RBM4B: variants seen among roughly 807,000 people sequenced by gnomAD.
RBM4B encodes the protein RNA-binding protein 4B.
RBM4B carries 13 observed loss-of-function variants against 28.5 expected under a neutral mutation model. The observed-to-expected ratio is 0.46, with a 90% CI of 0.30 to 0.72. The LOEUF is 0.72. Ranked by LOEUF, RBM4B falls within the 30% of genes least tolerant of loss-of-function variation. The pLI, the probability that RBM4B is intolerant of heterozygous loss-of-function variation, is 0.09. For synonymous variants in RBM4B, 167 were observed against 179.1 expected, an observed-to-expected ratio of 0.93 and a Z score of 0.54; for missense variants, 387 against 477.6, an observed-to-expected ratio of 0.81 and a Z score of 1.77.
intron 3 of RBM4B, chr11:66,666,912 T>C (rs1939257444): frequency 8.7e-6 from 1 of 114,902 alleles, no homozygotes; most frequent in Non-Finnish European, 2.2e-5. Context: ...GCTTTTTAAT[T>C]TTTTTTTTTT....
At chr11:66,668,572 G>T in intron 3 of RBM4B, 43 bp downstream of exon 3, 1 of 1,489,956 alleles carries the variant, frequency 6.7e-7, no homozygotes, top group Non-Finnish European at 9.2e-7. Flanking sequence ...CTCTTTCAAG[G>T]GAACTAAATG....
At chr11:66,670,922 T>A (rs1398888931) in intron 2 of RBM4B, 1 of 702,578 alleles carries the variant, frequency 1.4e-6, no homozygotes. Flanking sequence ...CAAGTTGCTC[T>A]CTCTTTAACA....
chr11:66,666,058 T>TA, intron 3 of RBM4B: 1 of 1,145,446 alleles, frequency 8.7e-7, no homozygotes, highest in Non-Finnish European at 1.2e-6. Context: ...TCACAAGGGG[T>TA]AGGATATCAA....
intron 3 of RBM4B, chr11:66,666,409 G>C: frequency 1.0e-6 from 1 of 989,964 alleles, no homozygotes; most frequent in Non-Finnish European, 1.2e-6. Context: ...CAGTTCTGGA[G>C]TATTTCATCC....
intron 2 of RBM4B, chr11:66,676,070 G>T (rs1464368474): frequency 6.5e-6 from 1 of 152,802 alleles, no homozygotes; most frequent in Non-Finnish European, 1.5e-5. Flanking sequence ...CCTTTTCTGA[G>T]GGTGAAATGA....
At chr11:66,666,358 G>C (rs544137049) in intron 3 of RBM4B, 4 of 1,010,612 alleles carry the variant, frequency 4.0e-6, no homozygotes, top group Non-Finnish European at 4.7e-6. Flanking sequence ...GACGTTCTTG[G>C]ATCAGTTCTG....
In RBM4B at chr11:66,668,943, A is replaced by C. The variant is rs771633119; in HGVS notation, c.761T>G (p.Val254Gly). The C allele has an allele frequency of 3.7e-6, 6 of 1,614,002 alleles. No individual in the cohort carries two copies. Among genetic ancestry groups the C allele is most frequent in the Non-Finnish European group, 5.1e-6 (6 of 1,180,024 alleles). ...AEQTMSHLPQ[V>G]QSTTVTSHLN... is the part of the protein sequence containing the mutation. ...GTGGCTGGTCACAGTTGTGCTTTGG[A>C]CTTGAGGCAGATGGGACATGGTCTG... The change falls in exon 3 of 4, where the codon GTC becomes GGC. Residue 254 changes from valine (V) to glycine (G), a missense_variant. By Grantham distance (109) the Val-to-Gly change is moderately radical (BLOSUM62 -3). Coordinates refer to ENST00000310046, the MANE Select transcript of RBM4B (RefSeq NM_031492.4).
intron 2 of RBM4B, among the ~76,000 whole-genome samples, chr11:66,674,566 TG>T (rs898406955): frequency 2.5e-4 from 38 of 149,296 alleles, no homozygotes; most frequent in African/African-American, 9.1e-4. Flanking sequence ...AATATATATA[TG>T]GTTTTTTTTT....
rs1565092839 is a variant in RBM4B at position 66,668,876 on chromosome 11, C to T, written c.828G>A (p.Leu276=). 1.9e-6 allele frequency: 3 copies of T among 1,614,152 alleles called. No individual in the cohort carries two copies. Among genetic ancestry groups the T allele is most frequent in the Non-Finnish European group, 2.5e-6 (3 of 1,180,032 alleles). Residue 276 remains leucine (L), a synonymous_variant, in exon 3 of 4, where the codon TTG becomes TTA. Transcript: ENST00000310046. ...AAGTGGCAGCAGCGCCAGAGTTTGGCAATAGGTGTCTGTCATAGGGATCAA... is the reference window on the plus strand; with the variant it reads ...AAGTGGCAGCAGCGCCAGAGTTTGGTAATAGGTGTCTGTCATAGGGATCAA... The part of the protein sequence containing the change: ...TSVDPYDRHL[L]PNSGAAATSA...
chr11:66,665,936 T>G (rs1349547310), intron 3 of RBM4B: 3 of 1,535,144 alleles, frequency 2.0e-6, no homozygotes, highest in Non-Finnish European at 2.6e-6. Context: ...CAATTTAATT[T>G]TGGAGTCCAG....
rs1205150687 is a variant in RBM4B at position 66,667,633 on chromosome 11, C to G, written c.*9+982G>C. The G allele has an allele frequency of 2.6e-5, 4 of 151,960 alleles. No individual in the cohort carries two copies. The East Asian group carries it at 7.7e-4, about 29-fold the overall frequency. 9.4% of individuals were successfully genotyped at this position (151,960 alleles called of 1,614,324 possible). A position where few individuals can be genotyped will look rare whatever the true frequency, so the allele number is the denominator to read the frequency against. On this transcript the variant is annotated intron_variant, in intron 3 of 3. Transcript: ENST00000310046. ...AAACATTTAAAATTTATAGGACTTCCTCTGGCATGTAGGTATGATATTAGA... is the reference window on the plus strand; with the variant it reads ...AAACATTTAAAATTTATAGGACTTCGTCTGGCATGTAGGTATGATATTAGA...
intron 1 of RBM4B, 43 bp downstream of exon 1, chr11:66,677,721 G>GC (rs1939688294): frequency 6.6e-6 from 1 of 150,788 alleles, no homozygotes; most frequent in African/African-American, 2.4e-5. Context: ...GGCCCGACCC[G>GC]CCCCCGAGCT....
intron 2 of RBM4B, among the ~76,000 whole-genome samples, chr11:66,669,571 C>G (rs989328165): frequency 6.6e-6 from 1 of 152,120 alleles, no homozygotes; most frequent in African/African-American, 2.4e-5. Flanking sequence ...CTCAGCCTCC[C>G]GAGTAGCTGG....
At chr11:66,669,753 G>A (rs1178471689) in intron 2 of RBM4B, among the ~76,000 whole-genome samples, 4 of 152,242 alleles carry the variant, frequency 2.6e-5, no homozygotes, top group African/African-American at 9.6e-5. Context: ...GCCAGTAGTT[G>A]AAGTTTAATA....
chr11:66,665,717 C>T (rs1345293215), intron 3 of RBM4B, 139 bp from the exon 4 acceptor site: 3 of 1,416,488 alleles, frequency 2.1e-6, no homozygotes, highest in Non-Finnish European at 2.8e-6. Context: ...CTGGATCTAA[C>T]TCATATCCCA....
intron 3 of RBM4B, chr11:66,666,078 A>G (rs1182947793): frequency 7.1e-6 from 7 of 985,960 alleles, no homozygotes; most frequent in Non-Finnish European, 1.0e-5. Context: ...AGGAGCAGCC[A>G]GTCATTCACC....
At chr11:66,676,423 G>T (rs1010755240) in intron 2 of RBM4B, 29 of 578,250 alleles carry the variant, frequency 5.0e-5, no homozygotes, top group African/African-American at 4.7e-4. Context: ...CAAGAATCCC[G>T]CAGGGTAAAG....
In RBM4B at chr11:66,677,043, C is replaced by T. The variant is rs951868959; in HGVS notation, c.37G>A (p.Ala13Thr). The stretch of plus-strand genomic sequence containing the variant: ...AGTGAGCGAATCTCCTGCTCTGTAG[C>T]CTCCCGGGGAAGGTTTCCGATGAAC... ...KLFIGNLPRE[A>T]TEQEIRSLFE... Residue 13 changes from alanine to threonine, a missense_variant, in exon 2 of 4, where the codon GCT becomes ACT. Physicochemically the swap from Ala to Thr is moderately conservative, Grantham distance 58. Around this residue, in one of 2 missense-constraint regions of RBM4B, gnomAD observed 161 missense variants for 256.9 expected, o/e 0.63. Transcript: ENST00000310046. 3.7e-6 allele frequency: 6 copies of T among 1,614,108 alleles called. No homozygotes were observed. The highest frequency in any genetic ancestry group is 1.3e-5 in the African/African-American group (1 of 75,028).
At chr11:66,671,378 T>C (rs1467958753) in intron 2 of RBM4B, among the ~76,000 whole-genome samples, 3 of 152,180 alleles carry the variant, frequency 2.0e-5, no homozygotes, top group African/African-American at 7.2e-5. Flanking sequence ...CCCTATAATT[T>C]AGACTAAAAG....
Sources: allele counts gnomAD v4.1 joint callset (sites outside exome capture counted in the v4.1 genomes callset), GRCh38; gene constraint gnomAD v4.1.1; regional missense constraint gnomAD v4.1.1; transcripts MANE v1.5; gene names NCBI Gene and HGNC (gene_info 2026-07-23, HGNC 2026-07-21).